Variants in NPL observed in about 807,000 individuals in gnomAD.
The protein encoded by NPL is N-acetylneuraminate pyruvate lyase.
NPL carries 32 observed loss-of-function variants against 41.1 expected under a neutral mutation model. The observed-to-expected ratio is 0.78, with a 90% CI of 0.59 to 1.05. NPL has a LOEUF of 1.05. Among genes scored for constraint, NPL ranks in the 50% least tolerant of loss-of-function variants. The probability of loss-of-function intolerance (pLI) is 0.00; values close to 1 mark genes in which losing one functional copy is unlikely to be tolerated. For missense variants in NPL, 321 were observed against 378.4 expected, an observed-to-expected ratio of 0.85 and a Z score of 1.26; for synonymous variants, 128 against 134.9, an observed-to-expected ratio of 0.95 and a Z score of 0.35.
intron 3 of NPL, among the ~76,000 whole-genome samples, chr1:182,795,137 T>C (rs184422649): frequency 7.0e-4 from 107 of 152,270 alleles, no homozygotes; most frequent in Middle Eastern, 6.8e-3. Context: ...ATGCACTGTG[T>C]ATAACTCCTC....
intron 4 of NPL, 109 bp from the exon 5 acceptor site, chr1:182,806,036 C>A: frequency 7.7e-7 from 1 of 1,291,266 alleles, no homozygotes; most frequent in East Asian, 2.4e-5. Context: ...GGCATTTTCC[C>A]CTCCTGACCA....
rs529731107 is a variant in NPL at position 182,815,504 on chromosome 1, A to G, written c.364+646A>G. ...GAATAGGTCTAAATCATCATGAAATATCAGCTATTATTGATACATAGAAAA... is the reference window on the plus strand; with the variant it reads ...GAATAGGTCTAAATCATCATGAAATGTCAGCTATTATTGATACATAGAAAA... On this transcript the variant is annotated intron_variant, in intron 7 of 12. Transcript: ENST00000367553. Among the ~76,000 whole-genome samples, 7 of 152,356 alleles carry G rather than the reference A, an allele frequency of 4.6e-5. No individual in the cohort carries two copies. The South Asian group carries it at 1.5e-3, about 32-fold the overall frequency.
At position 182,829,616 on chromosome 1, in the gene NPL, C is replaced by CA; in HGVS notation, c.*711dup. Reference sequence around the variant, plus strand: ...TTTTCTATACAGAAAACTCAAAACTCAAAGTTTCAAAGAACCAAAGGACTC... The same window carrying CA: ...TTTTCTATACAGAAAACTCAAAACTCAAAAGTTTCAAAGAACCAAAGGACTC... On this transcript the variant is annotated 3_prime_UTR_variant, in exon 13 of 13. Transcript: ENST00000367553. 2.6e-6 allele frequency: 4 copies of CA among 1,550,434 alleles called. No individual in the cohort carries two copies. Among genetic ancestry groups the CA allele is most frequent in the Non-Finnish European group, 3.5e-6 (4 of 1,146,606 alleles).
chr1:182,797,859 A>G (rs1010590836), intron 3 of NPL, among the ~76,000 whole-genome samples: 6 of 152,238 alleles, frequency 3.9e-5, no homozygotes, highest in Admixed American at 1.3e-4. Flanking sequence ...AATGCCAATA[A>G]TATACAAGAA....
chr1:182,801,845 C>CA (rs1008453721), intron 3 of NPL, among the ~76,000 whole-genome samples: 22 of 151,824 alleles, frequency 1.4e-4, no homozygotes, highest in African/African-American at 5.1e-4. Context: ...TCCAAAAAAA[C>CA]AAAAAAATGT....
intron 12 of NPL, 150 bp downstream of exon 12, chr1:182,825,970 C>A (rs1483494294): frequency 2.4e-5 from 18 of 741,526 alleles, no homozygotes; most frequent in Non-Finnish European, 4.4e-5. Flanking sequence ...TCGGGGCCAA[C>A]CATATAAAAC....
intron 3 of NPL, 49 bp downstream of exon 3, chr1:182,794,488 A>G (rs1349605149): frequency 3.2e-6 from 5 of 1,561,764 alleles, no homozygotes; most frequent in Non-Finnish European, 4.4e-6. Flanking sequence ...TTCAACCAAA[A>G]AGGAGAGAAG....
intron 2 of NPL, among the ~76,000 whole-genome samples, chr1:182,792,699 T>C (rs1278383002): frequency 6.6e-6 from 1 of 152,256 alleles, no homozygotes; most frequent in African/African-American, 2.4e-5. Context: ...AGAGCAAAGC[T>C]ACATGCAGGA....
intron 3 of NPL, among the ~76,000 whole-genome samples, chr1:182,801,641 G>A (rs1054942237): frequency 5.3e-5 from 8 of 152,128 alleles, no homozygotes; most frequent in East Asian, 1.9e-4. Flanking sequence ...CTTGACCCCA[G>A]GAGTTCGAGA....
At chr1:182,801,813 G>A (rs1666855380) in intron 3 of NPL, among the ~76,000 whole-genome samples, 1 of 152,042 alleles carries the variant, frequency 6.6e-6, no homozygotes. Context: ...CTCCAGCCTG[G>A]GCGACAGAGT....
chr1:182,824,538 C>G (rs1465563891), intron 11 of NPL, among the ~76,000 whole-genome samples: 1 of 152,100 alleles, frequency 6.6e-6, no homozygotes, highest in African/African-American at 2.4e-5. Flanking sequence ...TGGCTCACGC[C>G]TGTAATCCCA....
At position 182,819,947 on chromosome 1, in the gene NPL, G is replaced by C. The variant is rs114606487; in HGVS notation, c.653+1088G>C. Among the ~76,000 whole-genome samples the C allele has an allele frequency of 5.0e-3, 761 of 152,298 alleles. 5 individuals are homozygous for C. Among genetic ancestry groups the C allele is most frequent in the South Asian group, 0.016 (76 of 4,828 alleles). The stretch of plus-strand genomic sequence containing the variant: ...CAACCAGGCCTCAGAGAAGATGAAA[G>C]CCAAGAACTGCAGAATCTCAATAGC... On this transcript the variant is annotated intron_variant, in intron 10 of 12. Coordinates refer to ENST00000367553, the MANE Select transcript of NPL (RefSeq NM_030769.3).
At chr1:182,822,089 T>C in intron 10 of NPL, 26 bp from the exon 11 acceptor site, 1 of 1,422,814 alleles carries the variant, frequency 7.0e-7, no homozygotes. Context: ...TTATTGAACC[T>C]GCAGTATTTG....
intron 11 of NPL, among the ~76,000 whole-genome samples, chr1:182,824,964 A>C (rs2102569412): frequency 6.6e-6 from 1 of 152,316 alleles, no homozygotes; most frequent in Non-Finnish European, 1.5e-5. Context: ...AACTGTGTTC[A>C]TGTAAGTTAG....
chr1:182,812,905 C>G (rs779034627), intron 6 of NPL, among the ~76,000 whole-genome samples: 1 of 151,746 alleles, frequency 6.6e-6, no homozygotes, highest in Non-Finnish European at 1.5e-5. Flanking sequence ...AAAGAAGGCA[C>G]ACACTTTGGG....
At chr1:182,799,304 TAGAAC>T (rs1486490454) in intron 3 of NPL, among the ~76,000 whole-genome samples, 1 of 152,170 alleles carries the variant, frequency 6.6e-6, no homozygotes, top group East Asian at 1.9e-4. Flanking sequence ...AAAAAGGAAT[TAGAAC>T]AGACAATTAG....
intron 12 of NPL, among the ~76,000 whole-genome samples, chr1:182,827,261 G>C (rs1667653815): frequency 6.6e-6 from 1 of 152,200 alleles, no homozygotes; most frequent in Non-Finnish European, 1.5e-5. Flanking sequence ...ACAAATTACA[G>C]ACATTTTAGA....
intron 12 of NPL, among the ~76,000 whole-genome samples, chr1:182,827,428 A>C (rs1667659144): frequency 6.6e-6 from 1 of 152,200 alleles, no homozygotes; most frequent in African/African-American, 2.4e-5. Context: ...TTTTGACTAC[A>C]TTTACTCAAA....
chr1:182,814,652 T>C (rs1256050402), intron 6 of NPL, 131 bp from the exon 7 acceptor site: 1 of 781,858 alleles, frequency 1.3e-6, no homozygotes, highest in South Asian at 1.5e-5. Flanking sequence ...TTAAATTTGG[T>C]TAATTTTCCC....
Sources: allele counts gnomAD v4.1 joint callset (sites outside exome capture counted in the v4.1 genomes callset), GRCh38; gene constraint gnomAD v4.1.1; transcripts MANE v1.5; gene names NCBI Gene and HGNC (gene_info 2026-07-23, HGNC 2026-07-21).